The following CYREN variants were observed in gnomAD, a reference collection of about 807,000 sequenced individuals.
The protein encoded by CYREN is cell cycle regulator of NHEJ, also known as cell cycle regulator of non-homologous end joining.
CYREN carries 7 observed loss-of-function variants against 9.7 expected under a neutral mutation model. That is an observed-to-expected ratio of 0.72 (90% CI 0.41 to 1.36). CYREN has a LOEUF of 1.36. Among genes scored for constraint, CYREN ranks in the 40% most tolerant of loss-of-function variants. CYREN has a pLI of 0.01. For missense variants in CYREN, 215 were observed against 198.1 expected (o/e 1.09, Z -0.51); for synonymous variants, 76 against 77.9 (o/e 0.98, Z 0.13).
chr7:135,121,496 G>C (rs899379489), intron 2 of CYREN, among the ~76,000 whole-genome samples: 26 of 150,676 alleles, frequency 1.7e-4, no homozygotes, highest in African/African-American at 6.4e-4. Context: ...ATCATAGAAA[G>C]TGTATATCTG....
At chr7:135,126,552 T>C (rs185248255) in intron 2 of CYREN, among the ~76,000 whole-genome samples, 2 of 152,320 alleles carry the variant, frequency 1.3e-5, no homozygotes, top group Admixed American at 6.5e-5. Context: ...AAATTTCATA[T>C]GGAATCAAAG....
At chr7:135,144,938 T>TA (rs58443282) in intron 2 of CYREN, among the ~76,000 whole-genome samples, 847 of 45,592 alleles carry the variant, frequency 0.019, 20 homozygotes, top group East Asian at 0.084. Flanking sequence ...CTCAAAAGAG[T>TA]AAAAAAAAAA....
intron 2 of CYREN, among the ~76,000 whole-genome samples, chr7:135,133,823 A>G (rs533509991): frequency 6.6e-6 from 1 of 152,286 alleles, no homozygotes; most frequent in African/African-American, 2.4e-5. Context: ...GAAATAATCT[A>G]TATGTCATTG....
At chr7:135,167,200 C>T (rs1830224770) in intron 3 of CYREN, 2 of 985,358 alleles carry the variant, frequency 2.0e-6, no homozygotes, top group Non-Finnish European at 2.4e-6. Flanking sequence ...TGGGTGTGGG[C>T]CCATGCCTTA....
intron 1 of CYREN, chr7:135,169,674 T>C (rs1830505315): frequency 6.6e-6 from 1 of 152,148 alleles, no homozygotes; most frequent in Admixed American, 6.5e-5. Context: ...CTTTTCCCTA[T>C]CCCAATTGTT....
At chr7:135,129,301 A>G in intron 2 of CYREN, 1 of 1,476,780 alleles carries the variant, frequency 6.8e-7, no homozygotes, top group South Asian at 1.1e-5. Flanking sequence ...TTGACCTACC[A>G]TGGGGTCTCT....
chr7:135,148,005 G>T (rs1315521572), intron 2 of CYREN: 7 of 455,820 alleles, frequency 1.5e-5, no homozygotes, highest in Non-Finnish European at 3.1e-5. Flanking sequence ...TGGGCCACTG[G>T]CAAGTTAGGA....
chr7:135,142,027 G>T (rs1228429262), intron 2 of CYREN, among the ~76,000 whole-genome samples: 1 of 152,038 alleles, frequency 6.6e-6, no homozygotes, highest in Non-Finnish European at 1.5e-5. Flanking sequence ...TTCTGTTGTT[G>T]TTGGGTGGGG....
intron 2 of CYREN, among the ~76,000 whole-genome samples, chr7:135,160,109 CAT>C (rs766645154): frequency 7.2e-5 from 11 of 152,156 alleles, no homozygotes; most frequent in Non-Finnish European, 1.6e-4. Context: ...GGGATACAAA[CAT>C]ATATATTTAT....
intron 2 of CYREN, among the ~76,000 whole-genome samples, chr7:135,149,104 T>C (rs1462210683): frequency 6.6e-6 from 1 of 152,222 alleles, no homozygotes; most frequent in Non-Finnish European, 1.5e-5. Context: ...CTTGCACATA[T>C]TCCCCTTTCT....
chr7:135,126,814 A>G (rs1342070657), intron 2 of CYREN, among the ~76,000 whole-genome samples: 1 of 152,230 alleles, frequency 6.6e-6, no homozygotes. Context: ...CTGGCTAGCC[A>G]TGTGCAGAAA....
upstream of CYREN, among the ~76,000 whole-genome samples, chr7:135,171,702 C>G (rs1220011214): frequency 6.6e-6 from 1 of 152,212 alleles, no homozygotes; most frequent in Non-Finnish European, 1.5e-5. Flanking sequence ...TTCTACAGCT[C>G]CGTGTCTGAG....
At chr7:135,139,110 C>A (rs1174961864) in intron 2 of CYREN, among the ~76,000 whole-genome samples, 1 of 151,982 alleles carries the variant, frequency 6.6e-6, no homozygotes, top group African/African-American at 2.4e-5. Context: ...ATATATACTG[C>A]ATAATGGGAT....
chr7:135,164,702 G>A (rs1340136534), downstream of CYREN: 15 of 1,614,130 alleles, frequency 9.3e-6, no homozygotes, highest in Admixed American at 1.7e-5. Flanking sequence ...GGCTTGGCGT[G>A]TACGGGTCCC....
chr7:135,172,387 G>T (rs1469807263), upstream of CYREN, among the ~76,000 whole-genome samples: 1 of 151,126 alleles, frequency 6.6e-6, no homozygotes, highest in East Asian at 2.0e-4. Context: ...TTTTGGTTTG[G>T]TATAAACGGT....
At chr7:135,093,123 G>C (rs963062996) in exon 3 of CYREN, 2 of 150,556 alleles carry the variant, frequency 1.3e-5, no homozygotes, top group Admixed American at 6.6e-5. Context: ...CTGAGACCTG[G>C]AACAAGACAG....
chr7:135,135,993 G>A (rs1424011237), intron 2 of CYREN, among the ~76,000 whole-genome samples: 1 of 152,106 alleles, frequency 6.6e-6, no homozygotes, highest in Non-Finnish European at 1.5e-5. Context: ...ATTTATTCAT[G>A]TGAACACTGG....
At chr7:135,104,331 G>A (rs1191548453) in intron 2 of CYREN, among the ~76,000 whole-genome samples, 1 of 152,106 alleles carries the variant, frequency 6.6e-6, no homozygotes, top group Non-Finnish European at 1.5e-5. Context: ...AGGCATCTAG[G>A]TTGATTCCAT....
At chr7:135,162,737 A>T (rs1327990666), downstream of CYREN, among the ~76,000 whole-genome samples, 1 of 152,252 alleles carries the variant, frequency 6.6e-6, no homozygotes, top group Admixed American at 6.5e-5. Flanking sequence ...ATTCAAGATG[A>T]GATTTGGGTA....
Sources: gnomAD v4.1 joint callset for allele counts (sites outside exome capture counted in the v4.1 genomes callset) on GRCh38, gnomAD v4.1.1 for gene constraint, MANE v1.5 for transcripts, NCBI Gene and HGNC (gene_info 2026-07-23, HGNC 2026-07-21) for gene names.